Variants in PDE4D observed in about 807,000 individuals in gnomAD.
PDE4D encodes 3',5'-cyclic-AMP phosphodiesterase 4D.
PDE4D carries 24 observed loss-of-function variants against 87.4 expected under a neutral mutation model. That is an observed-to-expected ratio of 0.27 (90% CI 0.20 to 0.39). The LOEUF (loss-of-function observed/expected upper bound fraction) is 0.39, where lower values mean the gene tolerates loss of function less well. Ranked by LOEUF, PDE4D falls within the 10% of genes least tolerant of loss-of-function variation. PDE4D has a pLI of 1.00. For synonymous variants in PDE4D, 384 were observed against 383.2 expected (o/e 1.00, Z -0.02); for missense variants, 714 against 1,041.0 (o/e 0.69, Z 4.32).
In PDE4D at chr5:59,206,315, G is replaced by C. The variant is rs1484488127; in HGVS notation, c.647+9462C>G. 2.6e-5 allele frequency among the ~76,000 whole-genome samples: 4 copies of C among 152,076 alleles called. No homozygotes were observed. The East Asian group carries it at 7.7e-4, about 29-fold the overall frequency. On this transcript the variant is annotated intron_variant, in intron 2 of 14. Transcript: ENST00000340635. ...TGGGTCTGCTTGATGCTTTCTTTCT[G>C]TTTATTTATAGAAGCACATCTTTAG... is the stretch of plus-strand genomic sequence containing the variant.
At chr5:60,186,829 G>A (rs1784820050) in intron 1 of PDE4D, among the ~76,000 whole-genome samples, 2 of 152,196 alleles carry the variant, frequency 1.3e-5, no homozygotes, top group South Asian at 2.1e-4. Context: ...AAAAAACAAA[G>A]TAACTATGTA....
Position 60,420,827 on chromosome 5 carries a change from G to A in PDE4D, c.-90+67115C>T, listed in dbSNP as rs115326217. 1.0e-3 allele frequency among the ~76,000 whole-genome samples: 158 copies of A among 152,308 alleles called. 2 individuals carry two copies. The highest frequency in any genetic ancestry group is 3.6e-3 in the African/African-American group (149 of 41,576). On this transcript the variant is annotated intron_variant, in intron 1 of 16. Coordinates refer to the PDE4D transcript ENST00000502484. ...AAGCCATGACAAACAGGACACTCCC[G>A]CCCAAATACTGCGCTTTTCCCACTG...
intron 1 of PDE4D, among the ~76,000 whole-genome samples, chr5:59,829,624 T>C (rs1285388390): frequency 4.6e-5 from 7 of 152,078 alleles, no homozygotes; most frequent in African/African-American, 1.7e-4. Context: ...GCACATTCCA[T>C]TGAAAAAACA....
At chr5:59,755,855 G>C (rs1275004899) in intron 1 of PDE4D, among the ~76,000 whole-genome samples, 2 of 141,058 alleles carry the variant, frequency 1.4e-5, no homozygotes, top group Non-Finnish European at 3.1e-5. Context: ...AGCCATGTAT[G>C]AAAAAAAAAA....
chr5:60,270,009 A>T (rs1269368182), intron 1 of PDE4D, among the ~76,000 whole-genome samples: 2 of 152,222 alleles, frequency 1.3e-5, no homozygotes, highest in Non-Finnish European at 2.9e-5. Flanking sequence ...GAGACTGAAC[A>T]TGAAGGTCCA....
intron 1 of PDE4D, among the ~76,000 whole-genome samples, chr5:60,298,833 C>A (rs1753645290): frequency 6.6e-6 from 1 of 152,102 alleles, no homozygotes; most frequent in African/African-American, 2.4e-5. Context: ...TTTGTGTCAG[C>A]AATAACAACA....
At chr5:59,327,579 T>C (rs929668771) in intron 1 of PDE4D, among the ~76,000 whole-genome samples, 2 of 152,216 alleles carry the variant, frequency 1.3e-5, no homozygotes, top group Admixed American at 1.3e-4. Context: ...CTGTATGCAC[T>C]GACTTAATGA....
chr5:59,449,438 A>G (rs1311198584), intron 1 of PDE4D, among the ~76,000 whole-genome samples: 1 of 152,216 alleles, frequency 6.6e-6, no homozygotes, highest in Admixed American at 6.5e-5. Flanking sequence ...AAAACTTTAA[A>G]AATGCTCTAC....
At chr5:60,364,847 C>G (rs1760387066) in intron 1 of PDE4D, among the ~76,000 whole-genome samples, 1 of 152,182 alleles carries the variant, frequency 6.6e-6, no homozygotes, top group Non-Finnish European at 1.5e-5. Context: ...TTACCTCTAT[C>G]CCAAGAAGCA....
chr5:60,466,407 G>C (rs933481563), intron 1 of PDE4D, among the ~76,000 whole-genome samples: 8 of 152,074 alleles, frequency 5.3e-5, no homozygotes, highest in African/African-American at 1.9e-4. Flanking sequence ...AGTTCTTCTT[G>C]CTCTCACTTT....
At chr5:59,539,411 A>G (rs905066099) in intron 1 of PDE4D, among the ~76,000 whole-genome samples, 22 of 152,146 alleles carry the variant, frequency 1.4e-4, no homozygotes, top group South Asian at 4.1e-4. Context: ...CACTAGCCAG[A>G]TTTAAATCTA....
intron 1 of PDE4D, among the ~76,000 whole-genome samples, chr5:60,253,433 C>T (rs542364178): frequency 6.6e-6 from 1 of 151,904 alleles, no homozygotes; most frequent in South Asian, 2.1e-4. Context: ...ACAGAACAGG[C>T]CACTTCTCTT....
chr5:59,513,064 AT>A (rs1340986241), intron 1 of PDE4D, among the ~76,000 whole-genome samples: 2 of 152,176 alleles, frequency 1.3e-5, no homozygotes, highest in Non-Finnish European at 2.9e-5. Context: ...CAAAATATTC[AT>A]CTTAAACCAT....
intron 1 of PDE4D, among the ~76,000 whole-genome samples, chr5:59,384,516 T>C (rs150738007): frequency 3.0e-4 from 46 of 152,264 alleles, no homozygotes; most frequent in African/African-American, 1.1e-3. Context: ...GTCGATGATA[T>C]GTAGTATGGG....
chr5:59,542,801 A>C (rs1048492789), intron 1 of PDE4D, among the ~76,000 whole-genome samples: 1 of 152,216 alleles, frequency 6.6e-6, no homozygotes, highest in Non-Finnish European at 1.5e-5. Flanking sequence ...ATTGAAATTT[A>C]GTATACAGTA....
chr5:60,270,664 T>A (rs1301932231), intron 1 of PDE4D, among the ~76,000 whole-genome samples: 1 of 152,188 alleles, frequency 6.6e-6, no homozygotes, highest in Non-Finnish European at 1.5e-5. Flanking sequence ...GCTAGAAAAC[T>A]AATTCAGTGA....
rs144752282 is a variant in PDE4D at position 59,329,122 on chromosome 5, G to A, written c.456-113154C>T. On this transcript the variant is annotated intron_variant, in intron 1 of 14. Transcript: ENST00000340635. ...GGCAGAGAGGGGAGGCTGACTAGTTGGGGACTTCCTCCAGGATTTTCCCAT... is the reference window on the plus strand; with the variant it reads ...GGCAGAGAGGGGAGGCTGACTAGTTAGGGACTTCCTCCAGGATTTTCCCAT... Among the ~76,000 whole-genome samples, 265 of 152,246 alleles carry A rather than the reference G, an allele frequency of 1.7e-3. 1 individual carries two copies. The highest frequency in any genetic ancestry group is 5.8e-3 in the African/African-American group (243 of 41,550).
intron 1 of PDE4D, chr5:60,460,835 G>T: frequency 2.1e-6 from 1 of 480,042 alleles, no homozygotes; most frequent in Non-Finnish European, 3.7e-6. Flanking sequence ...TTAAAATTGA[G>T]CAATAACACA....
chr5:60,124,020 A>G (rs1192670060), intron 2 of PDE4D, among the ~76,000 whole-genome samples: 2 of 152,188 alleles, frequency 1.3e-5, no homozygotes, highest in Non-Finnish European at 2.9e-5. Flanking sequence ...ATGGTGGTAC[A>G]ATATATTTAT....
Sources: gnomAD v4.1 joint callset for allele counts (sites outside exome capture counted in the v4.1 genomes callset) on GRCh38, gnomAD v4.1.1 for gene constraint, MANE v1.5 for transcripts, NCBI Gene and HGNC (gene_info 2026-07-23, HGNC 2026-07-21) for gene names.